The following ZNF705A variants were observed in gnomAD, a reference collection of about 807,000 sequenced individuals.
ZNF705A encodes the protein zinc finger protein 705A.
Under a neutral mutation model 16.6 loss-of-function variants are expected in ZNF705A, and 8 were observed. The ratio of observed to expected loss-of-function variants is 0.48; its 90% CI spans 0.28 to 0.87. ZNF705A has a LOEUF of 0.87. Among genes scored for constraint, ZNF705A ranks in the 40% least tolerant of loss-of-function variants. ZNF705A has a pLI of 0.10. For synonymous variants in ZNF705A, 73 were observed against 117.3 expected, an observed-to-expected ratio of 0.62 and a Z score of 2.44; for missense variants, 233 against 359.9, an observed-to-expected ratio of 0.65 and a Z score of 2.85.
intron 1 of ZNF705A, among the ~76,000 whole-genome samples, chr12:8,162,610 C>T (rs1309129018): frequency 1.3e-5 from 2 of 152,148 alleles, no homozygotes; most frequent in African/African-American, 4.8e-5. Context: ...CCATTTCCCA[C>T]CTAATCCTTT....
rs777437539 is a variant in ZNF705A at position 8,166,189 on chromosome 12, G to A, written c.-71-6366G>A. Reference sequence around the variant, plus strand: ...CAGTGCCCCAGTGTGGACTCTGTGGGGGCTCCAACCCCACATTTTCCATCT... The same window carrying A: ...CAGTGCCCCAGTGTGGACTCTGTGGAGGCTCCAACCCCACATTTTCCATCT... On this transcript the variant is annotated intron_variant, in intron 1 of 5. Transcript: ENST00000396570. Among the ~76,000 whole-genome samples, 8 of 152,288 alleles carry A rather than the reference G, an allele frequency of 5.3e-5. No individual in the cohort carries two copies. The East Asian group carries it at 1.5e-3, about 29-fold the overall frequency.
chr12:8,163,138 C>T (rs1948370602), intron 1 of ZNF705A, among the ~76,000 whole-genome samples: 1 of 152,146 alleles, frequency 6.6e-6, no homozygotes, highest in Admixed American at 6.5e-5. Flanking sequence ...CTATTACTAA[C>T]TGGAGGTATG....
chr12:8,171,954 C>A (rs1456024801), upstream of ZNF705A, among the ~76,000 whole-genome samples: 3 of 152,310 alleles, frequency 2.0e-5, no homozygotes, highest in South Asian at 6.2e-4. Flanking sequence ...CCAGGCTAGT[C>A]TTGAACCCTT....
chr12:8,174,165 C>A (rs527701122), intron 1 of ZNF705A, among the ~76,000 whole-genome samples, 161 bp from the exon 3 acceptor site: 7 of 152,130 alleles, frequency 4.6e-5, no homozygotes, highest in Non-Finnish European at 1.0e-4. Flanking sequence ...GTGAGTGAAT[C>A]TGAAAGGCAG....
intron 1 of ZNF705A, among the ~76,000 whole-genome samples, chr12:8,165,277 CATT>C (rs1177855274): frequency 1.6e-5 from 2 of 124,682 alleles, no homozygotes; most frequent in African/African-American, 3.3e-5. Context: ...GATCTTTGCC[CATT>C]TTTTTTTTTT....
chr12:8,164,212 A>G (rs1257469549), intron 1 of ZNF705A, among the ~76,000 whole-genome samples: 1 of 152,146 alleles, frequency 6.6e-6, no homozygotes, highest in African/African-American at 2.4e-5. Flanking sequence ...TATATCTGAA[A>G]CTTTGTGCTC....
chr12:8,168,116 G>A (rs113730149), upstream of ZNF705A, among the ~76,000 whole-genome samples: 1 of 152,122 alleles, frequency 6.6e-6, no homozygotes, highest in East Asian at 1.9e-4. Context: ...GTGTGCCCCC[G>A]GAAGATTATG....
At chr12:8,175,827 C>T in intron 3 of ZNF705A, 33 bp from the exon 5 acceptor site, 1 of 1,610,394 alleles carries the variant, frequency 6.2e-7, no homozygotes, top group East Asian at 2.2e-5. Flanking sequence ...TACCATAATA[C>T]CAATGTAACA....
At chr12:8,168,564 T>C (rs1213681023), upstream of ZNF705A, among the ~76,000 whole-genome samples, 2 of 152,242 alleles carry the variant, frequency 1.3e-5, no homozygotes, top group African/African-American at 2.4e-5. Flanking sequence ...GCCAATATAG[T>C]AACTACTAGT....
chr12:8,166,891 A>G (rs1298617716), intron 1 of ZNF705A, among the ~76,000 whole-genome samples: 2 of 152,244 alleles, frequency 1.3e-5, no homozygotes, highest in African/African-American at 2.4e-5. Context: ...GGCTGCCACC[A>G]GCCAAGGTCT....
exon 5 of ZNF705A, chr12:8,179,784 A>G (rs1948517555): frequency 6.6e-6 from 1 of 152,202 alleles, no homozygotes; most frequent in Admixed American, 6.5e-5. Context: ...TTAATTAAAT[A>G]TGTAATTTAC....
intron 1 of ZNF705A, among the ~76,000 whole-genome samples, chr12:8,163,072 A>T (rs1310591620): frequency 6.6e-6 from 1 of 152,186 alleles, no homozygotes; most frequent in African/African-American, 2.4e-5. Flanking sequence ...AACAACAGCG[A>T]AAGACCACCG....
chr12:8,158,358 T>C (rs747269563), intron 1 of ZNF705A, among the ~76,000 whole-genome samples: 1 of 152,162 alleles, frequency 6.6e-6, no homozygotes, highest in Non-Finnish European at 1.5e-5. Context: ...ATTTTTCTTT[T>C]CTAGAGTTTC....
chr12:8,178,432 C>G (rs1948503765), exon 5 of ZNF705A: 1 of 152,730 alleles, frequency 6.5e-6, no homozygotes, highest in Non-Finnish European at 1.5e-5. Flanking sequence ...GGAGAAAATT[C>G]TTTAGTGGTA....
At chr12:8,174,290 T>C (rs1200140919) in intron 1 of ZNF705A, 36 bp from the exon 3 acceptor site, 1 of 1,595,542 alleles carries the variant, frequency 6.3e-7, no homozygotes, top group Non-Finnish European at 8.5e-7. Context: ...TGAAAGGGAT[T>C]TCTCTGTCTA....
At chr12:8,167,476 T>C (rs1565414563) in intron 1 of ZNF705A, among the ~76,000 whole-genome samples, 1 of 152,178 alleles carries the variant, frequency 6.6e-6, no homozygotes. Flanking sequence ...TTAATTTTTT[T>C]TCATATATAA....
At chr12:8,176,200 T>C (rs893296641) in intron 4 of ZNF705A, among the ~76,000 whole-genome samples, 1 of 152,238 alleles carries the variant, frequency 6.6e-6, no homozygotes, top group African/African-American at 2.4e-5. Context: ...ATCACAATTA[T>C]GCAATAACTC....
upstream of ZNF705A, among the ~76,000 whole-genome samples, chr12:8,170,196 C>CAAAAAAAAAAAAAAAAAGAAAAAAA (rs1188328005): frequency 7.9e-6 from 1 of 126,514 alleles, no homozygotes; most frequent in African/African-American, 3.7e-5. Flanking sequence ...CCCCCCCCCC[C>CAAAAAAAAAAAAAAAAAGAAAAAAA]AAAAAAAAAA....
chr12:8,159,307 C>T (rs1047456479), intron 1 of ZNF705A, among the ~76,000 whole-genome samples: 4 of 152,150 alleles, frequency 2.6e-5, no homozygotes, highest in African/African-American at 9.6e-5. Context: ...TGTATAATGA[C>T]TTCTTTTTCT....
Sources: gnomAD v4.1 joint callset for allele counts (sites outside exome capture counted in the v4.1 genomes callset) on GRCh38, gnomAD v4.1.1 for gene constraint, MANE v1.5 for transcripts, NCBI Gene and HGNC (gene_info 2026-07-23, HGNC 2026-07-21) for gene names.